Variants in PRLR observed in about 807,000 individuals in gnomAD.
PRLR encodes hPRL receptor.
In PRLR, 13 loss-of-function variants were observed where a neutral mutation model predicts 40.2. The observed-to-expected ratio is 0.32, with a 90% CI of 0.21 to 0.51. The LOEUF (loss-of-function observed/expected upper bound fraction) is 0.51, where lower values mean the gene tolerates loss of function less well. Among genes scored for constraint, PRLR ranks in the 20% least tolerant of loss-of-function variants. The pLI is 0.97. For missense variants in PRLR, 656 were observed against 747.3 expected (o/e 0.88, Z 1.42); for synonymous variants, 269 against 278.7 (o/e 0.97, Z 0.35).
intron 1 of PRLR, among the ~76,000 whole-genome samples, chr5:35,179,123 C>T (rs1561350518): frequency 6.6e-6 from 1 of 152,204 alleles, no homozygotes; most frequent in Non-Finnish European, 1.5e-5. Context: ...CAACCACATA[C>T]CTCTTCATCT....
chr5:35,193,085 T>G (rs897356744), intron 1 of PRLR, among the ~76,000 whole-genome samples: 5 of 152,206 alleles, frequency 3.3e-5, no homozygotes, highest in African/African-American at 4.8e-5. Flanking sequence ...CATATCCTTC[T>G]TCTTCAGAGA....
At chr5:35,118,198 C>T (rs769516785) in intron 1 of PRLR, 76 bp from the exon 2 acceptor site, 48 of 733,190 alleles carry the variant, frequency 6.5e-5, no homozygotes, top group East Asian at 1.3e-4. Context: ...CTCTGCAGTA[C>T]GTAGCATGGC....
intron 1 of PRLR, among the ~76,000 whole-genome samples, chr5:35,177,962 C>T (rs1271122589): frequency 6.6e-6 from 1 of 151,988 alleles, no homozygotes; most frequent in Non-Finnish European, 1.5e-5. Flanking sequence ...CACATCCTTG[C>T]CAACACTGGT....
intron 1 of PRLR, among the ~76,000 whole-genome samples, chr5:35,181,353 G>A (rs1775290954): frequency 6.6e-6 from 1 of 152,324 alleles, no homozygotes; most frequent in Admixed American, 6.5e-5. Flanking sequence ...CATGTTGCAG[G>A]TGAAGTAAAA....
At position 35,149,497 on chromosome 5, in the gene PRLR, C is replaced by A. The variant is rs528119004; in HGVS notation, c.-105-31375G>T. ...CATGCAGCTCACACATATGATACTG[C>A]AATAGAGTAGCAGACAACTAAGCTT... is the stretch of plus-strand genomic sequence containing the variant. On this transcript the variant is annotated intron_variant, in intron 1 of 9. Coordinates refer to ENST00000618457, the MANE Select transcript of PRLR (RefSeq NM_000949.7). Among the ~76,000 whole-genome samples the A allele has an allele frequency of 1.8e-4, 27 of 152,208 alleles. 1 individual carries two copies. In the East Asian group the frequency reaches 5.0e-3, roughly 28 times the overall value.
chr5:35,086,097 C>T (rs972251707), intron 4 of PRLR, 111 bp downstream of exon 4: 10 of 1,350,148 alleles, frequency 7.4e-6, no homozygotes, highest in East Asian at 2.3e-5. Context: ...GTGGTATGAA[C>T]CTTACTGGTG....
At chr5:35,079,718 C>T (rs1013243835) in intron 5 of PRLR, among the ~76,000 whole-genome samples, 2 of 152,098 alleles carry the variant, frequency 1.3e-5, no homozygotes, top group Non-Finnish European at 2.9e-5. Flanking sequence ...AAAAAAGAGC[C>T]CGTATTGCCA....
chr5:35,188,019 C>G (rs1561355334), intron 1 of PRLR, among the ~76,000 whole-genome samples: 1 of 152,192 alleles, frequency 6.6e-6, no homozygotes. Flanking sequence ...TTTCCCTTGG[C>G]AGCTCAATTT....
chr5:35,068,152 G>C, intron 9 of PRLR, 64 bp downstream of exon 9: 1 of 1,396,608 alleles, frequency 7.2e-7, no homozygotes, highest in Non-Finnish European at 1.0e-6. Flanking sequence ...CTGTGTGTGA[G>C]TGTGTAGAGT....
At chr5:35,074,348 G>C (rs1006117487) in intron 5 of PRLR, among the ~76,000 whole-genome samples, 11 of 151,740 alleles carry the variant, frequency 7.2e-5, no homozygotes, top group African/African-American at 2.7e-4. Flanking sequence ...TGTAGTTCCA[G>C]CTACTTGGGA....
intron 1 of PRLR, among the ~76,000 whole-genome samples, chr5:35,220,393 C>T (rs1346025952): frequency 6.6e-6 from 1 of 152,170 alleles, no homozygotes; most frequent in Admixed American, 6.5e-5. Flanking sequence ...TCTGCCAGCT[C>T]TCGGCATGCT....
At chr5:35,087,422 T>TGTGTGTGTGTG (rs1561284886) in intron 3 of PRLR, among the ~76,000 whole-genome samples, 11 of 140,852 alleles carry the variant, frequency 7.8e-5, no homozygotes, top group Non-Finnish European at 1.2e-4. Flanking sequence ...TCTCTTTCCT[T>TGTGTGTGTGTG]TGTGTGTGTG....
intron 2 of PRLR, among the ~76,000 whole-genome samples, chr5:35,115,607 T>C (rs1256590791): frequency 6.6e-6 from 1 of 151,678 alleles, no homozygotes; most frequent in Admixed American, 6.6e-5. Flanking sequence ...GGCAGAAGTG[T>C]GCGGATGGGG....
At chr5:35,097,734 C>T (rs189106380) in intron 2 of PRLR, among the ~76,000 whole-genome samples, 54 of 152,188 alleles carry the variant, frequency 3.5e-4, no homozygotes, top group Admixed American at 1.2e-3. Context: ...CTGTGGGAAC[C>T]GGGGAGAGCT....
intron 5 of PRLR, among the ~76,000 whole-genome samples, chr5:35,079,367 T>C (rs1285359657): frequency 6.6e-6 from 1 of 152,202 alleles, no homozygotes; most frequent in Non-Finnish European, 1.5e-5. Context: ...AGTCTCTGGA[T>C]ACAAAATCAA....
chr5:35,194,564 C>T (rs1431455070), intron 1 of PRLR, among the ~76,000 whole-genome samples: 1 of 152,198 alleles, frequency 6.6e-6, no homozygotes, highest in Non-Finnish European at 1.5e-5. Flanking sequence ...ACAGTACATC[C>T]ATACAATGGA....
intron 5 of PRLR, chr5:35,081,260 C>T (rs1770496643): frequency 6.2e-6 from 1 of 160,950 alleles, no homozygotes; most frequent in Non-Finnish European, 1.4e-5. Context: ...TCCACCAAGA[C>T]TGTTAATGGC....
At chr5:35,066,711 C>CTTCCT (rs1296065879) in intron 9 of PRLR, among the ~76,000 whole-genome samples, 2 of 150,818 alleles carry the variant, frequency 1.3e-5, no homozygotes, top group Middle Eastern at 3.2e-3. Flanking sequence ...TGCTTCTATC[C>CTTCCT]TTCCTTTCCC....
chr5:35,084,733 C>T (rs1770737107), intron 4 of PRLR, 94 bp from the exon 5 acceptor site: 1 of 1,230,992 alleles, frequency 8.1e-7, no homozygotes, highest in Non-Finnish European at 1.1e-6. Flanking sequence ...CTTTGGGTAT[C>T]AGAAATTCCA....
Sources: gnomAD v4.1 joint callset for allele counts (sites outside exome capture counted in the v4.1 genomes callset) on GRCh38, gnomAD v4.1.1 for gene constraint, MANE v1.5 for transcripts, NCBI Gene and HGNC (gene_info 2026-07-23, HGNC 2026-07-21) for gene names.